The following ADGRB3 variants were observed in gnomAD, a reference collection of about 807,000 sequenced individuals.
ADGRB3 encodes the protein brain-specific angiogenesis inhibitor 3.
In ADGRB3, 37 loss-of-function variants were observed where a neutral mutation model predicts 193.4. The ratio of observed to expected loss-of-function variants is 0.19; its 90% CI spans 0.15 to 0.25. ADGRB3 has a LOEUF of 0.25. ADGRB3 is among the 10% of genes least tolerant of loss of function. The pLI, the probability that ADGRB3 is intolerant of heterozygous loss-of-function variation, is 1.00. For missense variants in ADGRB3, 1,637 were observed against 1,852.9 expected (o/e 0.88, Z 2.14); for synonymous variants, 690 against 644.2 (o/e 1.07, Z -1.08).
At chr6:69,311,327 C>A (rs1768187166) in intron 20 of ADGRB3, among the ~76,000 whole-genome samples, 1 of 151,636 alleles carries the variant, frequency 6.6e-6, no homozygotes, top group Admixed American at 6.6e-5. Flanking sequence ...AACAGCAAAA[C>A]CAGTATTTCT....
At chr6:68,910,804 T>C (rs1165288864) in intron 3 of ADGRB3, among the ~76,000 whole-genome samples, 1 of 152,224 alleles carries the variant, frequency 6.6e-6, no homozygotes, top group East Asian at 1.9e-4. Flanking sequence ...TTTTGGTTAC[T>C]GTAGCCTTGT....
chr6:69,103,925 A>G (rs1279875266), intron 17 of ADGRB3, among the ~76,000 whole-genome samples: 1 of 152,074 alleles, frequency 6.6e-6, no homozygotes, highest in East Asian at 1.9e-4. Flanking sequence ...GTTTTCACGG[A>G]TGCTCTCAGT....
chr6:68,709,740 C>A (rs1037767608), intron 3 of ADGRB3, among the ~76,000 whole-genome samples: 4 of 152,170 alleles, frequency 2.6e-5, no homozygotes, highest in South Asian at 2.1e-4. Context: ...AATATTAAAC[C>A]AGAATACATT....
chr6:68,987,519 A>T (rs1769114058), intron 10 of ADGRB3, among the ~76,000 whole-genome samples: 1 of 152,140 alleles, frequency 6.6e-6, no homozygotes, highest in African/African-American at 2.4e-5. Flanking sequence ...TTCTGGACAG[A>T]TTAAACATAC....
intron 3 of ADGRB3, among the ~76,000 whole-genome samples, chr6:68,837,198 A>T (rs499251): frequency 0.21 from 32,642 of 152,134 alleles, 4,058 homozygotes; most frequent in East Asian, 0.58. Flanking sequence ...GCTGGCTGTT[A>T]GGCTTACCTG....
intron 3 of ADGRB3, among the ~76,000 whole-genome samples, chr6:68,841,849 G>A (rs1768164935): frequency 6.6e-6 from 1 of 152,020 alleles, no homozygotes; most frequent in Admixed American, 6.6e-5. Flanking sequence ...ATAGAAAGAT[G>A]GTTAACAGAG....
At position 69,219,521 on chromosome 6, in the gene ADGRB3, G is replaced by A. The variant is rs540592681; in HGVS notation, c.2481-13769G>A. Among the ~76,000 whole-genome samples the A allele has an allele frequency of 4.9e-5, 7 of 143,054 alleles. No homozygotes were observed. In the East Asian group the frequency reaches 1.2e-3, roughly 25 times the overall value. The allele number at this position is 143,054 out of a possible 152,430, so 93.8% of individuals were successfully genotyped here. ...TGTGTGTGTATATAGGTATATATGT[G>A]TGTGTACATATATACATGTGTATAT... On this transcript the variant is annotated intron_variant, in intron 17 of 31. Transcript: ENST00000370598.
At chr6:69,142,552 A>G (rs1395234259) in intron 17 of ADGRB3, among the ~76,000 whole-genome samples, 1 of 152,162 alleles carries the variant, frequency 6.6e-6, no homozygotes, top group African/African-American at 2.4e-5. Context: ...TTGCAAATTC[A>G]TGTTTTTGGT....
At position 68,836,857 on chromosome 6, in the gene ADGRB3, GT is replaced by G. The variant is rs1401916002; in HGVS notation, c.758-93701del. Among the ~76,000 whole-genome samples the G allele has an allele frequency of 6.6e-5, 10 of 152,192 alleles. No individual in the cohort carries two copies. The East Asian group carries it at 1.7e-3, about 26-fold the overall frequency. Reference sequence around the variant, plus strand: ...TTTTTTTAAAGAGTGAAATGTGAAGGTGGAATGAAGTTATTCATGAAAATAT... The same window carrying G: ...TTTTTTTAAAGAGTGAAATGTGAAGGGGAATGAAGTTATTCATGAAAATAT... On this transcript the variant is annotated intron_variant, in intron 3 of 31. Coordinates refer to ENST00000370598, the MANE Select transcript of ADGRB3 (RefSeq NM_001704.3).
At chr6:69,375,649 C>T (rs559742164) in intron 30 of ADGRB3, among the ~76,000 whole-genome samples, 1 of 152,114 alleles carries the variant, frequency 6.6e-6, no homozygotes, top group Non-Finnish European at 1.5e-5. Context: ...TGTCTTGTGT[C>T]GAGATTTGGG....
At chr6:69,196,012 A>G (rs888672732) in intron 17 of ADGRB3, among the ~76,000 whole-genome samples, 5 of 152,146 alleles carry the variant, frequency 3.3e-5, no homozygotes, top group African/African-American at 1.2e-4. Context: ...GATGTTTACA[A>G]TTTACATTGC....
intron 17 of ADGRB3, among the ~76,000 whole-genome samples, chr6:69,081,795 C>G (rs187441039): frequency 2.5e-3 from 379 of 152,086 alleles, no homozygotes; most frequent in African/African-American, 8.8e-3. Flanking sequence ...ATAAGCAATT[C>G]TTTTTTAACT....
chr6:68,861,951 G>T (rs1765167097), intron 3 of ADGRB3, among the ~76,000 whole-genome samples: 1 of 152,040 alleles, frequency 6.6e-6, no homozygotes, highest in South Asian at 2.1e-4. Flanking sequence ...TTAGTTTATG[G>T]TATTTTTAAC....
intron 20 of ADGRB3, 129 bp from the exon 21 acceptor site, chr6:69,324,743 C>A (rs1561987818): frequency 1.9e-6 from 2 of 1,030,246 alleles, no homozygotes; most frequent in Non-Finnish European, 2.8e-6. Flanking sequence ...AATAATTACT[C>A]TTGTCACTGA....
chr6:68,769,866 G>A (rs531748), intron 3 of ADGRB3, among the ~76,000 whole-genome samples: 151,517 of 152,240 alleles, frequency 1, 75,399 homozygotes, highest in East Asian at 1. Context: ...TCTAAACTCT[G>A]TCTCCTCTTA....
intron 3 of ADGRB3, among the ~76,000 whole-genome samples, chr6:68,708,485 G>GA (rs1450540871): frequency 6.6e-6 from 1 of 151,958 alleles, no homozygotes; most frequent in Admixed American, 6.6e-5. Context: ...CCTTACCTAA[G>GA]AAAAATGACA....
intron 3 of ADGRB3, among the ~76,000 whole-genome samples, chr6:68,777,541 A>G (rs1169388013): frequency 6.6e-6 from 1 of 152,012 alleles, no homozygotes; most frequent in Non-Finnish European, 1.5e-5. Flanking sequence ...TGTAAGGGAA[A>G]AATATCTTTG....
intron 3 of ADGRB3, among the ~76,000 whole-genome samples, chr6:68,820,176 C>T (rs1358596706): frequency 6.6e-6 from 1 of 152,006 alleles, no homozygotes; most frequent in Non-Finnish European, 1.5e-5. Context: ...TTGATTACAT[C>T]TATACATATC....
chr6:68,791,245 T>C (rs1767101668), intron 3 of ADGRB3, among the ~76,000 whole-genome samples: 2 of 152,184 alleles, frequency 1.3e-5, no homozygotes, highest in East Asian at 3.8e-4. Flanking sequence ...TATTCATTTA[T>C]GTCCTCTCAC....
Sources: gnomAD v4.1 joint callset for allele counts (sites outside exome capture counted in the v4.1 genomes callset) on GRCh38, gnomAD v4.1.1 for gene constraint, MANE v1.5 for transcripts, NCBI Gene and HGNC (gene_info 2026-07-23, HGNC 2026-07-21) for gene names.